FHDC1: variants seen among roughly 807,000 people sequenced by gnomAD.
The protein encoded by FHDC1 is FH2 domain containing 1, also known as FH2 domain-containing protein 1.
Under a neutral mutation model 52.6 loss-of-function variants are expected in FHDC1, and 25 were observed. The ratio of observed to expected loss-of-function variants is 0.48; its 90% CI spans 0.35 to 0.66. The LOEUF (loss-of-function observed/expected upper bound fraction) is 0.66. Among genes scored for constraint, FHDC1 ranks in the 30% least tolerant of loss-of-function variants. The pLI, the probability that FHDC1 is intolerant of heterozygous loss-of-function variation, is 0.01. For missense variants in FHDC1, 1,459 were observed against 1,452.8 expected (o/e 1.00, Z -0.07); for synonymous variants, 616 against 581.5 (o/e 1.06, Z -0.85).
the FHDC1 span, among the ~76,000 whole-genome samples, chr4:152,915,994 AT>A: frequency 6.6e-6 from 1 of 152,138 alleles, no homozygotes; most frequent in African/African-American, 2.4e-5. Context: ...CTAATCAAGT[AT>A]TTTACCTTAA....
chr4:152,919,357 A>G, the FHDC1 span, among the ~76,000 whole-genome samples: 10 of 152,170 alleles, frequency 6.6e-5, no homozygotes, highest in African/African-American at 2.2e-4. Context: ...AGAATATACA[A>G]TTAGTGGTTG....
At chr4:152,942,842 G>A (rs1252337194) in intron 1 of FHDC1, 86 bp from the exon 2 acceptor site, 7 of 532,024 alleles carry the variant, frequency 1.3e-5, no homozygotes, top group Non-Finnish European at 2.0e-5. Context: ...AACTCATATG[G>A]GAGGATTGAT....
At position 152,963,137 on chromosome 4, in the gene FHDC1, G is replaced by A. The variant is rs1466359336; in HGVS notation, c.1029+7G>A. 7 of 1,612,294 alleles carry A rather than the reference G, an allele frequency of 4.3e-6. No homozygotes were observed. The highest frequency in any genetic ancestry group is 5.9e-6 in the Non-Finnish European group (7 of 1,178,890). On this transcript the variant is annotated splice_region_variant and intron_variant, in intron 8 of 11. Transcript: ENST00000511601. ...CCTGCACTTTGTTGCACAGGTATGT[G>A]GAAATGATTAGGACTTAGAGAACGC...
At chr4:152,943,588 C>T (rs1396913685) in intron 2 of FHDC1, 33 bp downstream of exon 2, 1 of 1,581,452 alleles carries the variant, frequency 6.3e-7, no homozygotes, top group East Asian at 2.2e-5. Flanking sequence ...TAATCCTCCA[C>T]ACACTGCATT....
At chr4:152,973,621 G>C (rs980132193) in intron 11 of FHDC1, among the ~76,000 whole-genome samples, 1 of 152,240 alleles carries the variant, frequency 6.6e-6, no homozygotes, top group Admixed American at 6.5e-5. Flanking sequence ...CTTTAAAGAA[G>C]GCCCGAGAGA....
chr4:152,931,067 CTG>C, the FHDC1 span, among the ~76,000 whole-genome samples: 1,322 of 150,990 alleles, frequency 8.8e-3, 16 homozygotes, highest in South Asian at 0.023. Context: ...ACTGCTTAAA[CTG>C]TGTGTGTTAT....
intron 4 of FHDC1, among the ~76,000 whole-genome samples, chr4:152,957,185 C>T (rs866589607): frequency 6.6e-6 from 1 of 152,234 alleles, no homozygotes; most frequent in South Asian, 2.1e-4. Flanking sequence ...TACCACGTGG[C>T]TCTCAGCCTA....
At chr4:152,972,722 G>A (rs1384017337) in intron 11 of FHDC1, among the ~76,000 whole-genome samples, 181 bp downstream of exon 11, 1 of 152,232 alleles carries the variant, frequency 6.6e-6, no homozygotes, top group Non-Finnish European at 1.5e-5. Context: ...TGCCATCCCA[G>A]CCCCGAGGGC....
At chr4:152,948,458 G>C (rs1050722490) in intron 2 of FHDC1, among the ~76,000 whole-genome samples, 2 of 151,984 alleles carry the variant, frequency 1.3e-5, no homozygotes, top group African/African-American at 4.8e-5. Flanking sequence ...ATTGTTTTTT[G>C]TTGTTGTTGT....
At chr4:152,947,047 C>T (rs549146628) in intron 2 of FHDC1, among the ~76,000 whole-genome samples, 4 of 151,890 alleles carry the variant, frequency 2.6e-5, no homozygotes, top group Non-Finnish European at 4.4e-5. Context: ...GGTGAAACCC[C>T]GTCTCTACTA....
At chr4:152,924,288 C>T in the FHDC1 span, among the ~76,000 whole-genome samples, 7 of 151,944 alleles carry the variant, frequency 4.6e-5, no homozygotes, top group African/African-American at 9.7e-5. Flanking sequence ...ATCAGAGAAA[C>T]GCAAATCAAA....
chr4:152,939,260 GAGTGTGTGTGTTTC>G (rs1057094894), intron 1 of FHDC1, among the ~76,000 whole-genome samples: 1 of 151,552 alleles, frequency 6.6e-6, no homozygotes, highest in Non-Finnish European at 1.5e-5. Flanking sequence ...GTGTGTGTTT[GAGTGTGTGTGTTTC>G]AGTGTGTGTG....
chr4:152,968,463 G>A (rs190364716), intron 10 of FHDC1, among the ~76,000 whole-genome samples: 27 of 152,024 alleles, frequency 1.8e-4, no homozygotes, highest in Admixed American at 9.8e-4. Flanking sequence ...GTAGCTGGGG[G>A]CTACAGGCAT....
Position 152,943,494 on chromosome 4 carries a change from A to AGT in FHDC1, c.438_439dup (p.Ser147CysfsTer11). 1 of 1,614,002 alleles carries AGT rather than the reference A, an allele frequency of 6.2e-7. No homozygotes were observed. Among genetic ancestry groups the AGT allele is most frequent in the Non-Finnish European group, 8.5e-7 (1 of 1,179,902 alleles). Reference sequence around the variant, plus strand: ...TTTGGGCAGCAGGAAGACACCACCAAGTCTTCCCTTCCTAGGAGAGGAAGA... The same window carrying AGT: ...TTTGGGCAGCAGGAAGACACCACCAAGTGTCTTCCCTTCCTAGGAGAGGAAGA... On this transcript the variant is annotated frameshift_variant, in exon 2 of 12. Transcript: ENST00000511601. LOFTEE classifies it high-confidence loss of function.
intron 8 of FHDC1, among the ~76,000 whole-genome samples, chr4:152,963,765 CTTTG>C (rs375727402): frequency 5.9e-5 from 3 of 50,874 alleles, no homozygotes; most frequent in African/African-American, 1.4e-4. Context: ...CTATCCATTG[CTTTG>C]TTTTTTTTTT....
In FHDC1 at chr4:152,954,308, G is replaced by A; in HGVS notation, c.652G>A (p.Glu218Lys). 1.2e-6 allele frequency: 2 copies of A among 1,613,762 alleles called. No individual in the cohort carries two copies. Among genetic ancestry groups the A allele is most frequent in the Non-Finnish European group, 1.7e-6 (2 of 1,179,646 alleles). Reference protein sequence around the residue: ...TLREFLKFLPESEEVKKLKAF... With the variant: ...TLREFLKFLPKSEEVKKLKAF... ...GCGAGAATTTCTTAAGTTTTTGCCA[G>A]AGTCAGAAGAGGTAAGAAATTCAGC... Residue 218 changes from glutamate to lysine, a missense_variant, in exon 4 of 12, where the codon GAG becomes AAG. Physicochemically the swap from Glu to Lys is moderately conservative, Grantham distance 56. This residue lies in a region of FHDC1 where 513 missense variants were observed against 581.5 expected (regional missense o/e 0.88). Transcript: ENST00000511601.
rs1000914000 is a variant in FHDC1 at position 152,972,385 on chromosome 4, A to G, written c.1227A>G (p.Ile409Met). 4 of 1,595,562 alleles carry G rather than the reference A, an allele frequency of 2.5e-6. No individual in the cohort carries two copies. In the African/African-American group the frequency reaches 5.5e-5, roughly 22 times the overall value. Reference sequence around the variant, plus strand: ...CGTTTGTTTTTCCGCAGTTTGCCATAGAAAAGCTGAGGGAACTGGAATGCT... The same window carrying G: ...CGTTTGTTTTTCCGCAGTTTGCCATGGAAAAGCTGAGGGAACTGGAATGCT... ...QQMEDFLQFA[I>M]EKLRELECWK... Residue 409 changes from isoleucine (I) to methionine (M), a missense_variant, in exon 11 of 12, where the codon ATA becomes ATG. Transcript: ENST00000511601.
At chr4:152,954,374 T>C in intron 4 of FHDC1, 55 bp downstream of exon 4, 2 of 1,450,472 alleles carry the variant, frequency 1.4e-6, no homozygotes, top group African/African-American at 2.8e-5. Context: ...AAAAGCTTAA[T>C]ATTTTTAAGT....
the FHDC1 span, among the ~76,000 whole-genome samples, chr4:152,926,399 T>G: frequency 6.6e-6 from 1 of 151,994 alleles, no homozygotes; most frequent in Admixed American, 6.6e-5. Flanking sequence ...AAATCTCATT[T>G]CCATATTTTA....
Sources: allele counts gnomAD v4.1 joint callset (sites outside exome capture counted in the v4.1 genomes callset), GRCh38; gene constraint gnomAD v4.1.1; regional missense constraint gnomAD v4.1.1; transcripts MANE v1.5; gene names NCBI Gene and HGNC (gene_info 2026-07-23, HGNC 2026-07-21).